The following PSIP1 variants were observed in gnomAD, a reference collection of about 807,000 sequenced individuals.
PSIP1 encodes PC4 and SFRS1-interacting protein.
Under a neutral mutation model 74.7 loss-of-function variants are expected in PSIP1, and 19 were observed. The ratio of observed to expected loss-of-function variants is 0.25; its 90% CI spans 0.18 to 0.37. The LOEUF (loss-of-function observed/expected upper bound fraction) is 0.37, where lower values mean the gene tolerates loss of function less well. Ranked by LOEUF, PSIP1 falls within the 10% of genes least tolerant of loss-of-function variation. The pLI is 1.00. For missense variants in PSIP1, 601 were observed against 614.3 expected (o/e 0.98, Z 0.23); for synonymous variants, 222 against 195.3 (o/e 1.14, Z -1.14).
chr9:15,504,654 G>T (rs1400940140), intron 3 of PSIP1, among the ~76,000 whole-genome samples: 3 of 151,530 alleles, frequency 2.0e-5, no homozygotes, highest in Admixed American at 1.3e-4. Context: ...GGAGAATGGC[G>T]TGAACCCAGG....
chr9:15,500,152 C>G (rs10283923), intron 3 of PSIP1, among the ~76,000 whole-genome samples: 33,169 of 152,116 alleles, frequency 0.22, 5,771 homozygotes, highest in African/African-American at 0.49. Flanking sequence ...CGCACTATTT[C>G]TCATGAACCT....
intron 2 of PSIP1, among the ~76,000 whole-genome samples, chr9:15,507,919 A>ATCTG (rs1202854065): frequency 6.6e-6 from 1 of 152,196 alleles, no homozygotes; most frequent in Non-Finnish European, 1.5e-5. Flanking sequence ...TATGATGAAG[A>ATCTG]TCACACCTGT....
In PSIP1 at chr9:15,510,927, A is replaced by G. The variant is rs1314356295; in HGVS notation, c.-252T>C. ...CCGCAGAGGCGTCTCAACGGCTCGG[A>G]ATCGCAACCGCGCCGCCGCTGCCGC... On this transcript the variant is annotated 5_prime_UTR_variant, in exon 1 of 16. Transcript: ENST00000380733. 6.5e-6 allele frequency: 1 copy of G among 153,040 alleles called. No homozygotes were observed. The highest frequency in any genetic ancestry group is 6.5e-5 in the Admixed American group (1 of 15,274). The allele number at this position is 153,040 out of a possible 1,614,324, so 9.5% of individuals were successfully genotyped here.
At position 15,478,484 on chromosome 9, in the gene PSIP1, T is replaced by A. The variant is rs1242078354; in HGVS notation, c.622A>T (p.Ser208Cys). 6.3e-7 allele frequency: 1 copy of A among 1,586,004 alleles called. No individual in the cohort carries two copies. Among genetic ancestry groups the A allele is most frequent in the African/African-American group, 1.3e-5 (1 of 74,386 alleles). The change falls in exon 8 of 16, where the codon AGT becomes TGT. Residue 208 changes from serine (S) to cysteine (C), a missense_variant. Around this residue, in one of 2 missense-constraint regions of PSIP1, gnomAD observed 538 missense variants for 507.6 expected, o/e 1.06. Coordinates refer to ENST00000380733, the MANE Select transcript of PSIP1 (RefSeq NM_033222.5). ...CATTAAAAATAAACTCACATGTCACTCTCTGAAGGACAGGGCTGTTTTACC... is the reference window on the plus strand; with the variant it reads ...CATTAAAAATAAACTCACATGTCACACTCTGAAGGACAGGGCTGTTTTACC... ...KMVKQPCPSE[S>C]DIITEEDKSK...
chr9:15,485,343 CTTG>C (rs2036515000), intron 6 of PSIP1, among the ~76,000 whole-genome samples: 1 of 152,154 alleles, frequency 6.6e-6, no homozygotes, highest in African/African-American at 2.4e-5. Context: ...ATTTTAAAAT[CTTG>C]TTATCACACC....
intron 3 of PSIP1, among the ~76,000 whole-genome samples, chr9:15,498,338 T>C (rs1002700143): frequency 3.9e-5 from 6 of 151,976 alleles, no homozygotes; most frequent in Admixed American, 6.6e-5. Flanking sequence ...ATCGCCTGAA[T>C]TCGGGAGGCG....
intron 3 of PSIP1, among the ~76,000 whole-genome samples, chr9:15,497,334 T>C (rs2037127683): frequency 6.8e-6 from 1 of 146,954 alleles, no homozygotes; most frequent in South Asian, 2.1e-4. Flanking sequence ...CCTTTTTTTT[T>C]TTTTTTTGAG....
chr9:15,470,866 T>C, intron 10 of PSIP1: 1 of 1,071,418 alleles, frequency 9.3e-7, no homozygotes, highest in South Asian at 4.5e-5. Flanking sequence ...AGATGAATAA[T>C]GTACAACCAC....
chr9:15,469,873 G>A (rs555220939), intron 11 of PSIP1, 65 bp downstream of exon 11: 1 of 1,377,728 alleles, frequency 7.3e-7, no homozygotes, highest in South Asian at 1.2e-5. Flanking sequence ...TACATGAAAA[G>A]TTATGTCTAT....
At chr9:15,482,715 CTT>C (rs1164237492) in intron 6 of PSIP1, among the ~76,000 whole-genome samples, 1 of 152,192 alleles carries the variant, frequency 6.6e-6, no homozygotes, top group African/African-American at 2.4e-5. Context: ...CATTTACTGT[CTT>C]TTGTCATTTT....
At chr9:15,485,515 T>G (rs1311575560) in intron 6 of PSIP1, among the ~76,000 whole-genome samples, 2 of 152,172 alleles carry the variant, frequency 1.3e-5, no homozygotes, top group Non-Finnish European at 2.9e-5. Flanking sequence ...GAACAAAACT[T>G]CGTATATGGA....
intron 15 of PSIP1, chr9:15,465,812 TAACTC>T (rs1456045060): frequency 8.8e-6 from 4 of 454,586 alleles, no homozygotes; most frequent in African/African-American, 8.1e-5. Context: ...TGAAGCAAAA[TAACTC>T]AGCAAAGTGT....
chr9:15,490,384 C>G (rs2036769439), intron 3 of PSIP1, among the ~76,000 whole-genome samples: 1 of 152,114 alleles, frequency 6.6e-6, no homozygotes, highest in African/African-American at 2.4e-5. Flanking sequence ...GAACTATACA[C>G]TTAAAAATGG....
intron 5 of PSIP1, 147 bp from the exon 6 acceptor site, chr9:15,486,215 G>C: frequency 1.7e-6 from 1 of 579,316 alleles, no homozygotes; most frequent in Non-Finnish European, 2.9e-6. Context: ...TAAAAACATT[G>C]TGTCTCAACA....
chr9:15,489,769 T>C (rs2132139188), intron 4 of PSIP1, among the ~76,000 whole-genome samples: 1 of 152,270 alleles, frequency 6.6e-6, no homozygotes, highest in East Asian at 1.9e-4. Context: ...AATAACTGAA[T>C]AGTTCCCAGT....
Position 15,486,880 on chromosome 9 carries a change from C to T in PSIP1, c.340G>A (p.Glu114Lys). 1 of 1,612,544 alleles carries T rather than the reference C, an allele frequency of 6.2e-7. No homozygotes were observed. Among genetic ancestry groups the T allele is most frequent in the Non-Finnish European group, 8.5e-7 (1 of 1,179,334 alleles). The change falls in exon 5 of 16, where the codon GAA becomes AAA. Residue 114 changes from glutamate (E) to lysine (K), a missense_variant. Physicochemically the swap from Glu to Lys is moderately conservative, Grantham distance 56. Around this residue, in one of 2 missense-constraint regions of PSIP1, gnomAD observed 538 missense variants for 507.6 expected, o/e 1.06. Coordinates refer to ENST00000380733, the MANE Select transcript of PSIP1 (RefSeq NM_033222.5). Reference protein sequence around the residue: ...ASSDVEVEEKETSVSKEDTDH... With the variant: ...ASSDVEVEEKKTSVSKEDTDH... ...GTATCTTCCTTTGAAACACTAGTTT[C>T]CTTTTCTTCAACTTCAACATCAGAT...
At chr9:15,494,217 A>C (rs2036967329) in intron 3 of PSIP1, among the ~76,000 whole-genome samples, 2 of 152,332 alleles carry the variant, frequency 1.3e-5, no homozygotes, top group East Asian at 3.8e-4. Flanking sequence ...TTAATATTCT[A>C]GTTAGAATTT....
intron 3 of PSIP1, among the ~76,000 whole-genome samples, chr9:15,500,460 G>T (rs1247071508): frequency 6.6e-6 from 1 of 150,788 alleles, no homozygotes; most frequent in Non-Finnish European, 1.5e-5. Context: ...GACAGAGCAA[G>T]ACTCTGTCTC....
intron 3 of PSIP1, chr9:15,505,052 C>G (rs11790120): frequency 0.026 from 4,007 of 151,314 alleles, 82 homozygotes; most frequent in Middle Eastern, 0.048. Flanking sequence ...GACGGTTCCA[C>G]CTCAGCCTCT....
Sources: gnomAD v4.1 joint callset for allele counts (sites outside exome capture counted in the v4.1 genomes callset) on GRCh38, gnomAD v4.1.1 for gene constraint, gnomAD v4.1.1 regional missense constraint, MANE v1.5 for transcripts, NCBI Gene and HGNC (gene_info 2026-07-23, HGNC 2026-07-21) for gene names.